The following CMTM7 variants were observed in gnomAD, a reference collection of about 807,000 sequenced individuals.
CMTM7 encodes CKLF like MARVEL transmembrane domain containing 7.
Under a neutral mutation model 19.3 loss-of-function variants are expected in CMTM7, and 7 were observed. That is an observed-to-expected ratio of 0.36 (90% CI 0.21 to 0.68). The LOEUF is 0.68. CMTM7 is among the 30% of genes least tolerant of loss of function. The pLI is 0.60. For synonymous variants in CMTM7, 87 were observed against 99.3 expected (o/e 0.88, Z 0.74); for missense variants, 193 against 232.6 (o/e 0.83, Z 1.11).
intron 1 of CMTM7, among the ~76,000 whole-genome samples, chr3:32,435,566 C>A (rs1696586082): frequency 6.6e-6 from 1 of 152,158 alleles, no homozygotes; most frequent in Non-Finnish European, 1.5e-5. Flanking sequence ...CCCAGGGGAC[C>A]TACAGCAATG....
intron 1 of CMTM7, 62 bp downstream of exon 1, chr3:32,392,127 G>C: frequency 8.5e-7 from 1 of 1,177,914 alleles, no homozygotes; most frequent in Non-Finnish European, 1.1e-6. Context: ...GCAGGGGTCC[G>C]GGAGCGGACG....
At position 32,401,189 on chromosome 3, in the gene CMTM7, C is replaced by T. The variant is rs558015577; in HGVS notation, c.159+9124C>T. 2.3e-4 allele frequency among the ~76,000 whole-genome samples: 35 copies of T among 152,320 alleles called. No individual in the cohort carries two copies. In the East Asian group the frequency reaches 6.2e-3, roughly 27 times the overall value. On this transcript the variant is annotated intron_variant, in intron 1 of 4. Transcript: ENST00000334983. ...TGCTCTTGTATTTAAGTGATGGCCA[C>T]AGTATCTGCATATATTTGAAGAATG...
At chr3:32,438,271 A>T in intron 1 of CMTM7, among the ~76,000 whole-genome samples, 1 of 152,060 alleles carries the variant, frequency 6.6e-6, no homozygotes, top group Non-Finnish European at 1.5e-5. Context: ...CTTCCACTTC[A>T]CCTTTGCTTT....
At chr3:32,425,327 G>A (rs554009411) in intron 1 of CMTM7, among the ~76,000 whole-genome samples, 1 of 152,206 alleles carries the variant, frequency 6.6e-6, no homozygotes, top group East Asian at 1.9e-4. Flanking sequence ...TGCCAGTCCT[G>A]GAGAAGATTT....
At chr3:32,420,426 A>T (rs1474018150) in intron 1 of CMTM7, among the ~76,000 whole-genome samples, 1 of 152,198 alleles carries the variant, frequency 6.6e-6, no homozygotes, top group African/African-American at 2.4e-5. Flanking sequence ...GTGAAGCCCA[A>T]TGAGGTGGGG....
chr3:32,396,628 T>C (rs1695923066), intron 1 of CMTM7, among the ~76,000 whole-genome samples: 1 of 152,080 alleles, frequency 6.6e-6, no homozygotes, highest in African/African-American at 2.4e-5. Flanking sequence ...ATTATGTAAG[T>C]AGACCTGTGG....
At chr3:32,453,312 A>G (rs908713451) in intron 4 of CMTM7, among the ~76,000 whole-genome samples, 1 of 152,120 alleles carries the variant, frequency 6.6e-6, no homozygotes, top group African/African-American at 2.4e-5. Context: ...GCCATCTGTC[A>G]TCACACTACC....
intron 1 of CMTM7, among the ~76,000 whole-genome samples, chr3:32,411,877 G>A (rs186710989): frequency 7.2e-5 from 11 of 152,220 alleles, no homozygotes; most frequent in African/African-American, 1.9e-4. Flanking sequence ...TCAGGAGTTC[G>A]AACGAAGCTC....
chr3:32,401,753 C>T (rs1000539822), intron 1 of CMTM7, among the ~76,000 whole-genome samples: 8 of 152,234 alleles, frequency 5.3e-5, no homozygotes, highest in East Asian at 1.9e-4. Flanking sequence ...TCAGTGGTTT[C>T]CTGGGCTCGC....
intron 1 of CMTM7, among the ~76,000 whole-genome samples, chr3:32,438,988 A>T (rs1327938943): frequency 3.3e-5 from 5 of 152,200 alleles, no homozygotes; most frequent in African/African-American, 1.2e-4. Flanking sequence ...ATTTTCAGTC[A>T]TGCCTTGAAT....
intron 4 of CMTM7, 50 bp from the exon 5 acceptor site, chr3:32,454,191 G>A (rs1696876333): frequency 1.9e-6 from 3 of 1,557,250 alleles, no homozygotes; most frequent in Middle Eastern, 1.7e-4. Context: ...GTGGCTTGTG[G>A]GTGGGCCACA....
At chr3:32,448,627 A>G (rs1426893080) in intron 2 of CMTM7, among the ~76,000 whole-genome samples, 1 of 152,180 alleles carries the variant, frequency 6.6e-6, no homozygotes, top group Non-Finnish European at 1.5e-5. Context: ...GCCTGCAAGG[A>G]TGCTGATTAA....
rs9854259 is a variant in CMTM7, at chr3:32,455,434, G to C, written c.*1180G>C. 0.01 allele frequency: 1,544 copies of C among 152,478 alleles called. 11 individuals carry two copies. Among genetic ancestry groups the C allele is most frequent in the African/African-American group, 0.013 (545 of 41,564 alleles). 9.4% of individuals were successfully genotyped at this position (152,478 alleles called of 1,614,324 possible). A position where few individuals can be genotyped will look rare whatever the true frequency, so the allele number is the denominator to read the frequency against. ...CCTCTGCTGAGTGTTGCCGGAAATG[G>C]AAGCAGCCCCTGTGGGCTTTGAGCT... On this transcript the variant is annotated 3_prime_UTR_variant, in exon 5 of 5. Transcript: ENST00000334983.
At chr3:32,445,779 G>A (rs1385615727) in intron 2 of CMTM7, among the ~76,000 whole-genome samples, 1 of 152,100 alleles carries the variant, frequency 6.6e-6, no homozygotes, top group Non-Finnish European at 1.5e-5. Flanking sequence ...GCCTCTGAAA[G>A]TGTGGCGATT....
chr3:32,452,481 C>G lies in CMTM7; in HGVS notation c.514+8C>G. 6.2e-7 allele frequency: 1 copy of G among 1,613,326 alleles called. No individual in the cohort carries two copies. Among genetic ancestry groups the G allele is most frequent in the East Asian group, 2.2e-5 (1 of 44,880 alleles). ...GTGTAACCCAGTCCACAGGTGAGTTCTGGTTATCTGTGCACAGAGGATCTC... is the reference window on the plus strand; with the variant it reads ...GTGTAACCCAGTCCACAGGTGAGTTGTGGTTATCTGTGCACAGAGGATCTC... On this transcript the variant is annotated splice_region_variant and intron_variant, in intron 4 of 4. Coordinates refer to ENST00000334983, the MANE Select transcript of CMTM7 (RefSeq NM_138410.4).
intron 2 of CMTM7, among the ~76,000 whole-genome samples, chr3:32,442,956 A>C (rs145299855): frequency 5.7e-4 from 87 of 152,202 alleles, no homozygotes; most frequent in East Asian, 3.9e-3. Context: ...CTAAGCAATC[A>C]CTAATCTTCT....
chr3:32,408,421 C>T (rs1317181947), intron 1 of CMTM7, among the ~76,000 whole-genome samples: 3 of 152,202 alleles, frequency 2.0e-5, no homozygotes, highest in East Asian at 3.8e-4. Flanking sequence ...AATTAACTTT[C>T]GGAGAGGTGA....
intron 2 of CMTM7, among the ~76,000 whole-genome samples, chr3:32,442,506 AAAAAAAAAAAAAAAAAAAAAAGAAG>A (rs1696695100): frequency 3.4e-5 from 1 of 29,208 alleles, no homozygotes; most frequent in African/African-American, 1.1e-4. Flanking sequence ...CTCAAAAAAA[AAAAAAAAAAAAAAAAAAAAAAGAAG>A]AAGGCTGTGG....
intron 3 of CMTM7, chr3:32,450,942 G>T (rs1696820543): frequency 6.6e-6 from 1 of 152,210 alleles, no homozygotes; most frequent in Non-Finnish European, 1.5e-5. Flanking sequence ...TAAGAAAGTG[G>T]TCATCTAGCT....
Sources: allele counts gnomAD v4.1 joint callset (sites outside exome capture counted in the v4.1 genomes callset), GRCh38; gene constraint gnomAD v4.1.1; transcripts MANE v1.5; gene names NCBI Gene and HGNC (gene_info 2026-07-23, HGNC 2026-07-21).